The following KHDRBS3 variants were observed in gnomAD, a reference collection of about 807,000 sequenced individuals.
KHDRBS3 encodes the protein KH domain-containing, RNA-binding, signal transduction-associated protein 3.
KHDRBS3 carries 23 observed loss-of-function variants against 45.6 expected under a neutral mutation model. That is an observed-to-expected ratio of 0.50 (90% CI 0.36 to 0.72). The LOEUF is 0.72. Among genes scored for constraint, KHDRBS3 ranks in the 30% least tolerant of loss-of-function variants. The probability of loss-of-function intolerance (pLI) is 0.00; values close to 1 mark genes in which losing one functional copy is unlikely to be tolerated. For missense variants in KHDRBS3, 352 were observed against 424.8 expected (o/e 0.83, Z 1.51); for synonymous variants, 162 against 156.5 (o/e 1.04, Z -0.26).
intron 4 of KHDRBS3, among the ~76,000 whole-genome samples, chr8:135,556,098 G>A (rs1159766007): frequency 6.6e-6 from 1 of 152,174 alleles, no homozygotes; most frequent in East Asian, 1.9e-4. Context: ...GCATTCCATG[G>A]TGTATATGTG....
intron 7 of KHDRBS3, among the ~76,000 whole-genome samples, chr8:135,639,766 C>G (rs1830981371): frequency 6.6e-6 from 1 of 152,174 alleles, no homozygotes; most frequent in East Asian, 1.9e-4. Context: ...GGTGGTGCCA[C>G]AGGCTTTTAA....
rs1369064872 is a variant in KHDRBS3 at position 135,521,425 on chromosome 8, TTC to T, written c.207+72_207+73del. 44 of 848,172 alleles carry T rather than the reference TTC, an allele frequency of 5.2e-5. No homozygotes were observed. The African/African-American group carries it at 6.2e-4, about 12-fold the overall frequency. 52.5% of individuals were successfully genotyped at this position (848,172 alleles called of 1,614,324 possible). On this transcript the variant is annotated intron_variant, in intron 2 of 8. Coordinates refer to ENST00000355849, the MANE Select transcript of KHDRBS3 (RefSeq NM_006558.3). Reference sequence around the variant, plus strand: ...AAGGGGAGCAGATGTTTAATTTATATTCTGTTTGGTGTTTTTAGAGATGTTTT... The same window carrying T: ...AAGGGGAGCAGATGTTTAATTTATATTGTTTGGTGTTTTTAGAGATGTTTT...
chr8:135,591,622 G>A (rs191423016), intron 6 of KHDRBS3, among the ~76,000 whole-genome samples: 4 of 152,264 alleles, frequency 2.6e-5, no homozygotes, highest in Admixed American at 2.6e-4. Flanking sequence ...TTCTCTTTGT[G>A]ATAAGAATAA....
chr8:135,632,009 A>G (rs986532842), intron 7 of KHDRBS3, among the ~76,000 whole-genome samples: 4 of 152,190 alleles, frequency 2.6e-5, no homozygotes, highest in African/African-American at 7.2e-5. Context: ...GCCCTGGTAT[A>G]TATGGTCTGG....
intron 1 of KHDRBS3, among the ~76,000 whole-genome samples, chr8:135,459,631 C>G (rs1218884893): frequency 6.6e-6 from 1 of 152,166 alleles, no homozygotes; most frequent in Non-Finnish European, 1.5e-5. Context: ...TGCATTTTTC[C>G]TAATAAAGTA....
chr8:135,589,784 A>G (rs1828658593), intron 6 of KHDRBS3, among the ~76,000 whole-genome samples: 1 of 152,234 alleles, frequency 6.6e-6, no homozygotes, highest in African/African-American at 2.4e-5. Context: ...TTTTGGAGAT[A>G]CTAAGTAAAT....
At chr8:135,491,460 T>C in intron 1 of KHDRBS3, among the ~76,000 whole-genome samples, 1 of 152,208 alleles carries the variant, frequency 6.6e-6, no homozygotes, top group East Asian at 1.9e-4. Context: ...TCAGTTAGCT[T>C]TATTCCATTT....
intron 4 of KHDRBS3, among the ~76,000 whole-genome samples, chr8:135,551,183 A>G (rs1826578810): frequency 6.6e-6 from 1 of 152,154 alleles, no homozygotes; most frequent in Admixed American, 6.5e-5. Context: ...GGAGCATGTC[A>G]TCTGTGAATA....
intron 1 of KHDRBS3, among the ~76,000 whole-genome samples, chr8:135,480,646 A>G (rs767870096): frequency 2.6e-4 from 40 of 152,172 alleles, no homozygotes; most frequent in Non-Finnish European, 4.7e-4. Flanking sequence ...GATGTAAAAA[A>G]GGTAGAAAGG....
intron 5 of KHDRBS3, among the ~76,000 whole-genome samples, chr8:135,562,805 T>C (rs182247209): frequency 1.1e-4 from 16 of 152,268 alleles, no homozygotes; most frequent in Admixed American, 1.0e-3. Context: ...TGTCTAAATG[T>C]CCAAAACCAG....
At chr8:135,591,512 C>A (rs891548159) in intron 6 of KHDRBS3, among the ~76,000 whole-genome samples, 1 of 152,160 alleles carries the variant, frequency 6.6e-6, no homozygotes, top group African/African-American at 2.4e-5. Context: ...AGCTTCATGA[C>A]TCACTAAGGC....
chr8:135,535,106 T>G (rs2130731476), intron 2 of KHDRBS3, among the ~76,000 whole-genome samples: 1 of 152,130 alleles, frequency 6.6e-6, no homozygotes, highest in African/African-American at 2.4e-5. Flanking sequence ...ATAACCAAGA[T>G]AGCCTTAAAG....
downstream of KHDRBS3, among the ~76,000 whole-genome samples, chr8:135,652,460 G>T (rs1386598162): frequency 1.3e-5 from 2 of 152,206 alleles, no homozygotes; most frequent in African/African-American, 4.8e-5. Flanking sequence ...CTGCTGGCCT[G>T]CCCAGCCGCC....
intron 8 of KHDRBS3, among the ~76,000 whole-genome samples, chr8:135,646,045 G>T (rs1207177960): frequency 8.7e-6 from 1 of 114,456 alleles, no homozygotes; most frequent in African/African-American, 3.5e-5. Flanking sequence ...AAACACTTAA[G>T]AGAAATATGT....
At chr8:135,559,659 C>G (rs1007071037) in intron 5 of KHDRBS3, among the ~76,000 whole-genome samples, 8 of 152,156 alleles carry the variant, frequency 5.3e-5, no homozygotes, top group Admixed American at 1.3e-4. Flanking sequence ...CCATGCCCGG[C>G]CAACAAAATA....
At chr8:135,642,596 G>T (rs1831107991) in intron 7 of KHDRBS3, among the ~76,000 whole-genome samples, 1 of 152,158 alleles carries the variant, frequency 6.6e-6, no homozygotes, top group South Asian at 2.1e-4. Context: ...TGACTATTCT[G>T]TAATGTGTTA....
intron 5 of KHDRBS3, among the ~76,000 whole-genome samples, chr8:135,581,504 C>T (rs1200054357): frequency 6.6e-6 from 1 of 152,102 alleles, no homozygotes; most frequent in African/African-American, 2.4e-5. Flanking sequence ...GCCTCAGTTT[C>T]CTTGTCCTGA....
intron 1 of KHDRBS3, among the ~76,000 whole-genome samples, chr8:135,494,283 T>A (rs1182486543): frequency 1.5e-5 from 2 of 134,154 alleles, no homozygotes; most frequent in African/African-American, 2.9e-5. Context: ...ATTTTTTTTT[T>A]TTTTTTTTTT....
At chr8:135,530,780 C>G (rs910553917) in intron 2 of KHDRBS3, among the ~76,000 whole-genome samples, 1 of 152,168 alleles carries the variant, frequency 6.6e-6, no homozygotes, top group African/African-American at 2.4e-5. Context: ...TAATTTTTGT[C>G]TACGCACTTC....
Sources: allele counts gnomAD v4.1 joint callset (sites outside exome capture counted in the v4.1 genomes callset), GRCh38; gene constraint gnomAD v4.1.1; transcripts MANE v1.5; gene names NCBI Gene and HGNC (gene_info 2026-07-23, HGNC 2026-07-21).